ROBO1: variants seen among roughly 807,000 people sequenced by gnomAD.
ROBO1 encodes the protein roundabout homolog 1.
Under a neutral mutation model 195.9 loss-of-function variants are expected in ROBO1, and 149 were observed. The observed-to-expected ratio is 0.76, with a 90% CI of 0.67 to 0.87. The LOEUF is 0.87. Among genes scored for constraint, ROBO1 ranks in the 40% least tolerant of loss-of-function variants. The pLI is 0.00. For synonymous variants in ROBO1, 816 were observed against 733.2 expected, an observed-to-expected ratio of 1.11 and a Z score of -1.82; for missense variants, 1,933 against 2,068.3, an observed-to-expected ratio of 0.93 and a Z score of 1.27.
chr3:79,681,658 T>C (rs1400265785), intron 1 of ROBO1, among the ~76,000 whole-genome samples: 1 of 151,854 alleles, frequency 6.6e-6, no homozygotes. Context: ...ACAAGGAAAA[T>C]GCATGTTTAG....
chr3:79,444,122 C>T (rs970587589), intron 2 of ROBO1, among the ~76,000 whole-genome samples: 3 of 151,852 alleles, frequency 2.0e-5, no homozygotes, highest in African/African-American at 7.3e-5. Context: ...CTCACAGTTA[C>T]AAATTACATA....
chr3:79,078,217 A>T (rs2108454013), intron 3 of ROBO1, among the ~76,000 whole-genome samples: 1 of 151,958 alleles, frequency 6.6e-6, no homozygotes, highest in South Asian at 2.1e-4. Context: ...ATTAACTCTA[A>T]ACATTAATTT....
At chr3:79,321,016 C>T (rs1273417316) in intron 2 of ROBO1, among the ~76,000 whole-genome samples, 3 of 151,916 alleles carry the variant, frequency 2.0e-5, no homozygotes, top group Admixed American at 6.6e-5. Flanking sequence ...AAATATTATC[C>T]CCCAATATAA....
chr3:78,805,353 C>T (rs1205108963), intron 4 of ROBO1, among the ~76,000 whole-genome samples: 1 of 151,992 alleles, frequency 6.6e-6, no homozygotes, highest in Non-Finnish European at 1.5e-5. Flanking sequence ...CTTAATGATA[C>T]AAACCACATG....
At chr3:79,348,040 G>A (rs535128471) in intron 2 of ROBO1, among the ~76,000 whole-genome samples, 12 of 151,938 alleles carry the variant, frequency 7.9e-5, no homozygotes, top group South Asian at 2.1e-4. Flanking sequence ...GGTGAAACCC[G>A]TCTCTACCAA....
chr3:79,593,424 T>C (rs1944066563), intron 1 of ROBO1, among the ~76,000 whole-genome samples: 2 of 152,042 alleles, frequency 1.3e-5, no homozygotes, highest in Middle Eastern at 3.2e-3. Context: ...GCAGCTGGTG[T>C]TGCCAGTGTT....
intron 4 of ROBO1, among the ~76,000 whole-genome samples, chr3:78,809,806 C>T (rs1217255436): frequency 6.9e-6 from 1 of 144,174 alleles, no homozygotes; most frequent in African/African-American, 2.5e-5. Context: ...CACATGGACA[C>T]AGGGAGGGGA....
intron 2 of ROBO1, among the ~76,000 whole-genome samples, chr3:79,468,067 T>G (rs1181146805): frequency 6.6e-6 from 1 of 152,214 alleles, no homozygotes; most frequent in East Asian, 1.9e-4. Flanking sequence ...TGGACTAGTT[T>G]ACTACTTCTA....
At chr3:79,685,526 G>T (rs924093372) in intron 1 of ROBO1, among the ~76,000 whole-genome samples, 1 of 152,226 alleles carries the variant, frequency 6.6e-6, no homozygotes, top group African/African-American at 2.4e-5. Flanking sequence ...ATTGCACAAC[G>T]TCCTGGGATA....
At chr3:79,254,878 T>A (rs988957586) in intron 2 of ROBO1, among the ~76,000 whole-genome samples, 2 of 152,188 alleles carry the variant, frequency 1.3e-5, no homozygotes, top group Non-Finnish European at 2.9e-5. Context: ...ACTTTATAAA[T>A]GTTTGTTGCA....
At chr3:79,357,573 A>G (rs891863928) in intron 2 of ROBO1, among the ~76,000 whole-genome samples, 2 of 152,192 alleles carry the variant, frequency 1.3e-5, no homozygotes, top group Admixed American at 6.5e-5. Context: ...GTATTTACCT[A>G]ACTGAAAACT....
chr3:79,276,479 A>C (rs2031043959), intron 2 of ROBO1, among the ~76,000 whole-genome samples: 1 of 152,024 alleles, frequency 6.6e-6, no homozygotes. Context: ...AAAATGGATT[A>C]TTAAAGACTT....
intron 2 of ROBO1, among the ~76,000 whole-genome samples, chr3:79,522,544 G>T (rs192031604): frequency 1.7e-3 from 263 of 152,000 alleles, no homozygotes; most frequent in African/African-American, 6.1e-3. Flanking sequence ...ACTTGCTTTT[G>T]TGCATTTCCA....
intron 2 of ROBO1, among the ~76,000 whole-genome samples, chr3:79,213,982 C>T (rs1185937406): frequency 2.6e-5 from 4 of 151,750 alleles, no homozygotes; most frequent in South Asian, 2.1e-4. Context: ...CGCACCACCA[C>T]GCCCTGCTAA....
At chr3:78,962,849 A>AAAAAAC (rs1560055205) in intron 3 of ROBO1, among the ~76,000 whole-genome samples, 5 of 149,430 alleles carry the variant, frequency 3.3e-5, no homozygotes, top group African/African-American at 9.9e-5. Flanking sequence ...AAAAAAAAAA[A>AAAAAAC]CTTTTCACAT....
intron 2 of ROBO1, among the ~76,000 whole-genome samples, chr3:79,445,526 G>T (rs2107158511): frequency 7.1e-6 from 1 of 141,840 alleles, no homozygotes; most frequent in East Asian, 2.0e-4. Flanking sequence ...TTGAGACAGG[G>T]TCTTGCTCTG....
chr3:78,627,087 GGTGA>G (rs1288164025), intron 26 of ROBO1, among the ~76,000 whole-genome samples: 1 of 151,986 alleles, frequency 6.6e-6, no homozygotes, highest in Non-Finnish European at 1.5e-5. Flanking sequence ...GTTGTAAGTG[GGTGA>G]GTATTAATAC....
intron 4 of ROBO1, among the ~76,000 whole-genome samples, chr3:78,833,200 G>A (rs1210597838): frequency 3.3e-5 from 5 of 151,994 alleles, no homozygotes; most frequent in African/African-American, 1.2e-4. Flanking sequence ...TCAATGCACG[G>A]CAATGAAAAA....
intron 1 of ROBO1, among the ~76,000 whole-genome samples, chr3:79,677,529 G>C (rs112547198): frequency 2.0e-5 from 3 of 152,036 alleles, no homozygotes; most frequent in African/African-American, 7.2e-5. Context: ...ACTATCATGA[G>C]AACAGCACAG....
Sources: allele counts gnomAD v4.1 joint callset (sites outside exome capture counted in the v4.1 genomes callset), GRCh38; gene constraint gnomAD v4.1.1; transcripts MANE v1.5; gene names NCBI Gene and HGNC (gene_info 2026-07-23, HGNC 2026-07-21).